SCN8A: variants seen among roughly 807,000 people sequenced by gnomAD.
SCN8A encodes sodium channel protein type 8 subunit alpha.
SCN8A carries 30 observed loss-of-function variants against 184.1 expected under a neutral mutation model. The ratio of observed to expected loss-of-function variants is 0.16; its 90% CI spans 0.12 to 0.22. The LOEUF (loss-of-function observed/expected upper bound fraction) is 0.22, where lower values mean the gene tolerates loss of function less well. SCN8A is among the 10% of genes least tolerant of loss of function. SCN8A has a pLI of 1.00. For synonymous variants in SCN8A, 852 were observed against 907.0 expected (o/e 0.94, Z 1.09); for missense variants, 1,057 against 2,498.9 (o/e 0.42, Z 12.30).
At chr12:51,735,183 A>G (rs1942304396) in intron 12 of SCN8A, among the ~76,000 whole-genome samples, 1 of 152,188 alleles carries the variant, frequency 6.6e-6, no homozygotes, top group East Asian at 1.9e-4. Context: ...CTTTTGCCGT[A>G]CTTTTTGGTA....
rs372168306 is a variant in SCN8A, at chr12:51,697,897, G to T, written c.707-1673G>T. Among the ~76,000 whole-genome samples, 207 of 152,322 alleles carry T rather than the reference G, an allele frequency of 1.4e-3. 2 individuals are homozygous for T. Among genetic ancestry groups the T allele is most frequent in the African/African-American group, 4.6e-3 (193 of 41,556 alleles). On this transcript the variant is annotated intron_variant, in intron 6 of 26. Transcript: ENST00000627620. ...GGAGTCTCGCTCTGTTGACCAGGCT[G>T]GAGTGCAGTGGCGCAATCTTGGCTC...
intron 14 of SCN8A, among the ~76,000 whole-genome samples, chr12:51,754,473 A>G (rs1027378904): frequency 6.6e-5 from 10 of 151,622 alleles, no homozygotes; most frequent in Admixed American, 2.6e-4. Context: ...ATACATTACA[A>G]TGTTGTGAAG....
intron 19 of SCN8A, among the ~76,000 whole-genome samples, chr12:51,773,399 T>TA (rs1463471486): frequency 6.6e-6 from 1 of 152,162 alleles, no homozygotes; most frequent in South Asian, 2.1e-4. Flanking sequence ...AGAAATAAAA[T>TA]AGTGATAAGA....
rs750239826 is a variant in SCN8A at position 51,786,688 on chromosome 12, C to G, written c.4089C>G (p.Ile1363Met). 1.2e-6 allele frequency: 2 copies of G among 1,613,940 alleles called. No homozygotes were observed. Among genetic ancestry groups the G allele is most frequent in the South Asian group, 2.2e-5 (2 of 91,070 alleles). The part of the protein sequence containing the change: ...YHYCFNETSE[I>M]RFEIEDVNNK... ...ACTGCTTTAATGAGACTTCTGAAAT[C>G]CGATTTGAAATTGAAGATGTCAACA... Residue 1363 changes from isoleucine (I) to methionine (M), a missense_variant, in exon 22 of 27, where the codon ATC becomes ATG. Ile to Met is a conservative substitution (Grantham distance 10, BLOSUM62 1). Around this residue, in one of 19 missense-constraint regions of SCN8A, gnomAD observed 13 missense variants for 20.0 expected, o/e 0.65. Transcript: ENST00000627620.
chr12:51,637,082 G>A (rs1940334019), intron 1 of SCN8A, among the ~76,000 whole-genome samples: 1 of 152,024 alleles, frequency 6.6e-6, no homozygotes, highest in Non-Finnish European at 1.5e-5. Context: ...ATCTGTTATG[G>A]CGATCAGTGA....
rs796053226 is a variant in SCN8A at position 51,806,903 on chromosome 12, G to A, written c.5417G>A (p.Cys1806Tyr). The change falls in exon 27 of 27, where the codon TGT becomes TAT. Residue 1806 changes from cysteine to tyrosine, a missense_variant. Cys to Tyr is a radical substitution (Grantham distance 194). Transcript: ENST00000627620. This position sits in a 1 kb window ranked among gnomAD's most constrained non-coding sequence, Gnocchi z 8.7. ...GATGCCACCCAGTTCATTGAGTACT[G>A]TAAGCTGGCAGACTTTGCAGATGCC... ...DPDATQFIEY[C>Y]KLADFADALE... The A allele has an allele frequency of 1.2e-6, 2 of 1,613,424 alleles. No homozygotes were observed. The highest frequency in any genetic ancestry group is 1.7e-6 in the Non-Finnish European group (2 of 1,179,448).
chr12:51,756,240 C>G (rs1942672439), intron 14 of SCN8A, among the ~76,000 whole-genome samples: 1 of 152,114 alleles, frequency 6.6e-6, no homozygotes, highest in African/African-American at 2.4e-5. Flanking sequence ...CCTGGAAGTT[C>G]TCACCTGGCC....
chr12:51,702,436 A>G (rs1941707146), intron 8 of SCN8A, among the ~76,000 whole-genome samples: 1 of 152,088 alleles, frequency 6.6e-6, no homozygotes, highest in South Asian at 2.1e-4. Flanking sequence ...TACTTCTCAC[A>G]CTTTGGCATG....
intron 22 of SCN8A, among the ~76,000 whole-genome samples, chr12:51,787,733 G>T (rs1268527261): frequency 2.6e-5 from 4 of 152,164 alleles, no homozygotes; most frequent in Non-Finnish European, 5.9e-5. Flanking sequence ...GAGACTAACT[G>T]CAATAACAGA....
chr12:51,688,734 G>A, intron 5 of SCN8A: 1 of 1,566,626 alleles, frequency 6.4e-7, no homozygotes, highest in Non-Finnish European at 8.8e-7. Context: ...ACCATTACAA[G>A]TTAACTTTGG....
intron 16 of SCN8A, among the ~76,000 whole-genome samples, chr12:51,768,522 A>G (rs1235146259): frequency 6.6e-6 from 1 of 152,138 alleles, no homozygotes; most frequent in Admixed American, 6.5e-5. Context: ...CTCCCCAGTA[A>G]TGTATATTCA....
intron 1 of SCN8A, among the ~76,000 whole-genome samples, chr12:51,657,077 A>G (rs1278310697): frequency 3.3e-5 from 5 of 152,146 alleles, no homozygotes; most frequent in Non-Finnish European, 7.4e-5. Flanking sequence ...ATAGTAGTCG[A>G]AAGGTAGAAA....
intron 2 of SCN8A, among the ~76,000 whole-genome samples, chr12:51,676,032 G>A (rs1941216869): frequency 6.6e-6 from 1 of 152,150 alleles, no homozygotes. Context: ...TTAAAATACG[G>A]GATTTAGTGG....
rs71092712 is a variant in SCN8A, at chr12:51,639,879, CTTTTTTTTTTTTTTTTTTTTT to C, written c.-54-22867_-54-22847del. Among the ~76,000 whole-genome samples the C allele has an allele frequency of 2.3e-3, 35 of 15,076 alleles. 1 individual carries two copies. Among genetic ancestry groups the C allele is most frequent in the Admixed American group, 0.012 (8 of 650 alleles). 9.9% of individuals were successfully genotyped at this position (15,076 alleles called of 152,430 possible). Reference sequence around the variant, plus strand: ...AGTATTTTTTGAATTAAGGTATATGCTTTTTTTTTTTTTTTTTTTTTTTTTTTTTTTTTTTTTTGAGATGGG... The same window carrying C: ...AGTATTTTTTGAATTAAGGTATATGCTTTTTTTTTTTTTTTTTGAGATGGG... On this transcript the variant is annotated intron_variant, in intron 1 of 26. Transcript: ENST00000627620.
intron 20 of SCN8A, among the ~76,000 whole-genome samples, chr12:51,778,652 T>C (rs1937789857): frequency 6.6e-6 from 1 of 152,196 alleles, no homozygotes; most frequent in Non-Finnish European, 1.5e-5. Flanking sequence ...GTCATGCTGC[T>C]TAATTATAAA....
At chr12:51,679,406 A>C (rs1022494694) in intron 2 of SCN8A, among the ~76,000 whole-genome samples, 1 of 152,168 alleles carries the variant, frequency 6.6e-6, no homozygotes, top group Non-Finnish European at 1.5e-5. Flanking sequence ...TACATTCTTA[A>C]ATGGTTGGAT....
chr12:51,685,419 T>A (rs1226782722), intron 3 of SCN8A, among the ~76,000 whole-genome samples: 2 of 152,216 alleles, frequency 1.3e-5, no homozygotes, highest in Non-Finnish European at 2.9e-5. Context: ...TAATTGGCTC[T>A]AATTGTCTAA....
intron 1 of SCN8A, among the ~76,000 whole-genome samples, chr12:51,615,902 T>A (rs546800338): frequency 1.4e-4 from 21 of 149,816 alleles, no homozygotes; most frequent in South Asian, 4.2e-4. Context: ...AAAGAAAAAA[T>A]TTTTTTTTTG....
intron 20 of SCN8A, among the ~76,000 whole-genome samples, chr12:51,776,561 A>G (rs1937703551): frequency 6.6e-6 from 1 of 152,220 alleles, no homozygotes; most frequent in South Asian, 2.1e-4. Context: ...GGGAGCTTAC[A>G]CTAGCTTCCA....
Sources: gnomAD v4.1 joint callset for allele counts (sites outside exome capture counted in the v4.1 genomes callset) on GRCh38, gnomAD v4.1.1 for gene constraint, gnomAD v4.1.1 regional missense constraint, Gnocchi (gnomAD v3.1) non-coding constraint, MANE v1.5 for transcripts, NCBI Gene and HGNC (gene_info 2026-07-23, HGNC 2026-07-21) for gene names.